BMP10: variants seen among roughly 807,000 people sequenced by gnomAD.
BMP10 encodes the protein bone morphogenetic protein 10.
In BMP10, 9 loss-of-function variants were observed where a neutral mutation model predicts 29.9. The ratio of observed to expected loss-of-function variants is 0.30; its 90% CI spans 0.18 to 0.53. BMP10 has a LOEUF of 0.53. BMP10 is among the 20% of genes least tolerant of loss of function. The pLI, the probability that BMP10 is intolerant of heterozygous loss-of-function variation, is 0.96. For missense variants in BMP10, 474 were observed against 524.3 expected (o/e 0.90, Z 0.94); for synonymous variants, 202 against 200.2 (o/e 1.01, Z -0.07).
At chr2:68,870,882 G>T in intron 1 of BMP10, 143 bp downstream of exon 1, 1 of 719,132 alleles carries the variant, frequency 1.4e-6, no homozygotes, top group Non-Finnish European at 2.2e-6. Flanking sequence ...AGAACAAAAT[G>T]TGCCTTGTTT....
rs918083965 is a variant in BMP10, at chr2:68,864,121, A to C, written c.*1510T>G. On this transcript the variant is annotated 3_prime_UTR_variant, in exon 2 of 2. Coordinates refer to ENST00000295379, the MANE Select transcript of BMP10 (RefSeq NM_014482.3). ...CCCTTCCTGTGCAGAACACTTCCTCACCACTTTCAGTCCTGGCCAGTTGCA... is the reference window on the plus strand; with the variant it reads ...CCCTTCCTGTGCAGAACACTTCCTCCCCACTTTCAGTCCTGGCCAGTTGCA... Among the ~76,000 whole-genome samples the C allele has an allele frequency of 8.5e-5, 13 of 152,248 alleles. No homozygotes were observed. The highest frequency in any genetic ancestry group is 2.9e-4 in the African/African-American group (12 of 41,552).
intron 1 of BMP10, 125 bp downstream of exon 1, chr2:68,870,900 T>A: frequency 1.2e-6 from 1 of 843,366 alleles, no homozygotes; most frequent in Non-Finnish European, 1.8e-6. Context: ...TTTTTGTGTA[T>A]CCATATGTAT....
chr2:68,861,015 C>T lies in BMP10; in HGVS notation c.*4616G>A, dbSNP rs893675411. On this transcript the variant is annotated 3_prime_UTR_variant, in exon 2 of 2. Coordinates refer to ENST00000295379, the MANE Select transcript of BMP10 (RefSeq NM_014482.3). ...AGTGGGGAGTGTGCAAAATTAAATA[C>T]CTTACCTCAAGGAAAAATAAGCTGC... Among the ~76,000 whole-genome samples the T allele has an allele frequency of 6.6e-6, 1 of 152,142 alleles. No individual in the cohort carries two copies. Among genetic ancestry groups the T allele is most frequent in the Non-Finnish European group, 1.5e-5 (1 of 68,040 alleles).
At position 68,865,196 on chromosome 2, in the gene BMP10, A is replaced by G. The variant is rs745988019; in HGVS notation, c.*435T>C. Among the ~76,000 whole-genome samples the G allele has an allele frequency of 6.6e-6, 1 of 152,254 alleles. No individual in the cohort carries two copies. Among genetic ancestry groups the G allele is most frequent in the Non-Finnish European group, 1.5e-5 (1 of 68,042 alleles). The stretch of plus-strand genomic sequence containing the variant: ...GATGATTAAAACCCTGATGTCAATT[A>G]TCTTGACTTAAATCCTACTCAGAGA... On this transcript the variant is annotated 3_prime_UTR_variant, in exon 2 of 2. Transcript: ENST00000295379. This position sits in a 1 kb window ranked among gnomAD's most constrained non-coding sequence, Gnocchi z 4.7.
In BMP10 at chr2:68,866,524, G is replaced by A. The variant is rs778760503; in HGVS notation, c.382C>T (p.Leu128Phe). 35 of 1,613,810 alleles carry A rather than the reference G, an allele frequency of 2.2e-5. No homozygotes were observed. The highest frequency in any genetic ancestry group is 3.0e-5 in the Non-Finnish European group (35 of 1,179,902). ...TGAGGAATGGACACATTGAAGAGGA[G>A]GGGGTATTTTCGGAGCCCATTAAAA... Reference protein sequence around the residue: ...VSFNGLRKYPLLFNVSIPHHE... With the variant: ...VSFNGLRKYPFLFNVSIPHHE... The change falls in exon 2 of 2, where the codon CTC (leucine) becomes TTC (phenylalanine). Residue 128 changes from leucine to phenylalanine, a missense_variant. Leu to Phe is a conservative substitution (Grantham distance 22). Around this residue, in one of 2 missense-constraint regions of BMP10, gnomAD observed 408 missense variants for 415.3 expected, o/e 0.98. Coordinates refer to ENST00000295379, the MANE Select transcript of BMP10 (RefSeq NM_014482.3).
At chr2:68,869,263 CT>C (rs1026143039) in intron 1 of BMP10, among the ~76,000 whole-genome samples, 9 of 91,206 alleles carry the variant, frequency 9.9e-5, no homozygotes, top group Admixed American at 2.5e-4. Context: ...GGAGGTGGCA[CT>C]TTTTTTTCCC....
At chr2:68,866,695 A>T in intron 1 of BMP10, 124 bp from the exon 2 acceptor site, 1 of 724,354 alleles carries the variant, frequency 1.4e-6, no homozygotes, top group Non-Finnish European at 2.2e-6. Flanking sequence ...GAAGGGAGAA[A>T]ATCAATGAGA....
Position 68,865,929 on chromosome 2 carries a change from G to A in BMP10, c.977C>T (p.Thr326Ile), listed in dbSNP as rs200229074. ...CTCCTTGAAGTCGATGTAGAGCGGG[G>A]TCCTCTTACAGTAGTTTCCTTTGGC... Reference protein sequence around the residue: ...RNAKGNYCKRTPLYIDFKEIG... With the variant: ...RNAKGNYCKRIPLYIDFKEIG... Residue 326 changes from threonine (T) to isoleucine (I), a missense_variant, in exon 2 of 2, where the codon ACC (threonine) becomes ATC (isoleucine). Coordinates refer to ENST00000295379, the MANE Select transcript of BMP10 (RefSeq NM_014482.3). This position sits in a 1 kb window ranked among gnomAD's most constrained non-coding sequence, Gnocchi z 4.7. 6.8e-6 allele frequency: 11 copies of A among 1,614,020 alleles called. No individual in the cohort carries two copies. The East Asian group carries it at 2.0e-4, about 29-fold the overall frequency.
chr2:68,871,132 G>A lies in BMP10; in HGVS notation c.227C>T (p.Ser76Leu), dbSNP rs1312903272. 6.2e-7 allele frequency: 1 copy of A among 1,614,140 alleles called. No individual in the cohort carries two copies. The highest frequency in any genetic ancestry group is 1.7e-5 in the Admixed American group (1 of 60,018). ...LNLSDIPTQD[S>L]AKVDPPEYML... ...GTACTCTGGTGGGTCCACCTTGGCT[G>A]AATCCTGCGTGGGGATGTCAGAGAG... Residue 76 changes from serine to leucine, a missense_variant, in exon 1 of 2, where the codon TCA (serine) becomes TTA (leucine). Coordinates refer to ENST00000295379, the MANE Select transcript of BMP10 (RefSeq NM_014482.3).
intron 1 of BMP10, among the ~76,000 whole-genome samples, chr2:68,868,819 T>C (rs1457451365): frequency 1.3e-5 from 2 of 152,242 alleles, no homozygotes; most frequent in Non-Finnish European, 2.9e-5. Flanking sequence ...TTTTAATGGA[T>C]ATATTCATGA....
Position 68,870,979 on chromosome 2 carries a change from G to A in BMP10, c.334+46C>T, listed in dbSNP as rs757802498. Reference sequence around the variant, plus strand: ...CCCATGCATTGTAAATTTACTTATTGTGTCTTGAAAAAAATCCTAGCAAAA... The same window carrying A: ...CCCATGCATTGTAAATTTACTTATTATGTCTTGAAAAAAATCCTAGCAAAA... On this transcript the variant is annotated intron_variant, in intron 1 of 1. Coordinates refer to ENST00000295379, the MANE Select transcript of BMP10 (RefSeq NM_014482.3). 2.7e-6 allele frequency: 4 copies of A among 1,508,008 alleles called. No homozygotes were observed. The South Asian group carries it at 4.6e-5, about 17-fold the overall frequency. 93.4% of individuals were successfully genotyped at this position (1,508,008 alleles called of 1,614,324 possible).
At position 68,865,729 on chromosome 2, in the gene BMP10, T is replaced by C. The variant is rs1455463937; in HGVS notation, c.1177A>G (p.Lys393Glu). 5 of 1,614,180 alleles carry C rather than the reference T, an allele frequency of 3.1e-6. No homozygotes were observed. The highest frequency in any genetic ancestry group is 3.4e-6 in the Non-Finnish European group (4 of 1,179,998). Reference sequence around the variant, plus strand: ...TAGAGGATGGAGATGGGCTCTAGCTTTGTGGGCACACAGCAGGCTTTGGAA... The same window carrying C: ...TAGAGGATGGAGATGGGCTCTAGCTCTGTGGGCACACAGCAGGCTTTGGAA... The part of the protein sequence containing the change: ...KASKACCVPT[K>E]LEPISILYLD... The change falls in exon 2 of 2, where the codon AAG becomes GAG. Residue 393 changes from lysine (K) to glutamate (E), a missense_variant. Physicochemically the swap from Lys to Glu is moderately conservative, Grantham distance 56. This residue lies in a region of BMP10 where 66 missense variants were observed against 109.0 expected (regional missense o/e 0.61). Transcript: ENST00000295379. This position sits in a 1 kb window ranked among gnomAD's most constrained non-coding sequence, Gnocchi z 4.7.
At position 68,864,587 on chromosome 2, in the gene BMP10, A is replaced by C. The variant is rs1172671869; in HGVS notation, c.*1044T>G. Among the ~76,000 whole-genome samples, 1 of 152,106 alleles carries C rather than the reference A, an allele frequency of 6.6e-6. No homozygotes were observed. Among genetic ancestry groups the C allele is most frequent in the Non-Finnish European group, 1.5e-5 (1 of 67,988 alleles). ...GCCAAGAAGAAAGAGGGAAGGAAGAAGATGGAGCAGAGGAAAGCAGGGGTG... is the reference window on the plus strand; with the variant it reads ...GCCAAGAAGAAAGAGGGAAGGAAGACGATGGAGCAGAGGAAAGCAGGGGTG... On this transcript the variant is annotated 3_prime_UTR_variant, in exon 2 of 2. Coordinates refer to ENST00000295379, the MANE Select transcript of BMP10 (RefSeq NM_014482.3).
chr2:68,867,619 C>T (rs1474913809), intron 1 of BMP10, among the ~76,000 whole-genome samples: 2 of 152,116 alleles, frequency 1.3e-5, no homozygotes, highest in Non-Finnish European at 2.9e-5. Context: ...GCACACTTGC[C>T]TCAGGTAATG....
At chr2:68,866,805 G>A (rs1682965911) in intron 1 of BMP10, among the ~76,000 whole-genome samples, 1 of 152,148 alleles carries the variant, frequency 6.6e-6, no homozygotes, top group Non-Finnish European at 1.5e-5. Flanking sequence ...TGGAAAATGG[G>A]GGTCTAATGG....
At chr2:68,869,951 A>G (rs1683037574) in intron 1 of BMP10, among the ~76,000 whole-genome samples, 2 of 152,152 alleles carry the variant, frequency 1.3e-5, no homozygotes, top group Non-Finnish European at 1.5e-5. Flanking sequence ...TATGTTATGT[A>G]GGTATTATTA....
Position 68,871,368 on chromosome 2 carries a change from C to G in BMP10, c.-10G>C, listed in dbSNP as rs779882605. ...GGACCAGAGAGCCCATGACTCCGCTCGAGCTCCTAGGCCAAGCCAGGAAGG... is the reference window on the plus strand; with the variant it reads ...GGACCAGAGAGCCCATGACTCCGCTGGAGCTCCTAGGCCAAGCCAGGAAGG... On this transcript the variant is annotated 5_prime_UTR_variant, in exon 1 of 2. Transcript: ENST00000295379. 3 of 1,610,780 alleles carry G rather than the reference C, an allele frequency of 1.9e-6. No individual in the cohort carries two copies. The highest frequency in any genetic ancestry group is 2.5e-6 in the Non-Finnish European group (3 of 1,178,078).
rs1388848149 is a variant in BMP10, at chr2:68,862,460, A to G, written c.*3171T>C. ...TCTACAATATTTTACAAAAATAAAT[A>G]TATCAATCAATAAATAGTGGGAAGC... On this transcript the variant is annotated 3_prime_UTR_variant, in exon 2 of 2. Coordinates refer to ENST00000295379, the MANE Select transcript of BMP10 (RefSeq NM_014482.3). Among the ~76,000 whole-genome samples, 1 of 151,298 alleles carries G rather than the reference A, an allele frequency of 6.6e-6. No individual in the cohort carries two copies. The highest frequency in any genetic ancestry group is 1.5e-5 in the Non-Finnish European group (1 of 68,050).
rs1347350835 is a variant in BMP10, at chr2:68,871,158, G to A, written c.201C>T (p.Asn67=). ...SMKDEFLKTL[N]LSDIPTQDSA... ...AATCCTGCGTGGGGATGTCAGAGAGGTTTAGTGTCTTAAGAAACTCATCCT... is the reference window on the plus strand; with the variant it reads ...AATCCTGCGTGGGGATGTCAGAGAGATTTAGTGTCTTAAGAAACTCATCCT... Residue 67 remains asparagine, a synonymous_variant, in exon 1 of 2, where the codon AAC becomes AAT. Coordinates refer to ENST00000295379, the MANE Select transcript of BMP10 (RefSeq NM_014482.3). 1.2e-6 allele frequency: 2 copies of A among 1,614,122 alleles called. No individual in the cohort carries two copies. Among genetic ancestry groups the A allele is most frequent in the Non-Finnish European group, 1.7e-6 (2 of 1,180,028 alleles).
Sources: gnomAD v4.1 joint callset for allele counts (sites outside exome capture counted in the v4.1 genomes callset) on GRCh38, gnomAD v4.1.1 for gene constraint, gnomAD v4.1.1 regional missense constraint, Gnocchi (gnomAD v3.1) non-coding constraint, MANE v1.5 for transcripts, NCBI Gene and HGNC (gene_info 2026-07-23, HGNC 2026-07-21) for gene names.